Variants in SEC22C observed in about 807,000 individuals in gnomAD.
SEC22C encodes the protein vesicle-trafficking protein SEC22c.
In SEC22C, 29 loss-of-function variants were observed where a neutral mutation model predicts 34.7. That is an observed-to-expected ratio of 0.84 (90% CI 0.62 to 1.14). SEC22C has a LOEUF of 1.14. SEC22C is among the 50% of genes most tolerant of loss of function. The pLI is 0.00. For synonymous variants in SEC22C, 117 were observed against 132.8 expected, an observed-to-expected ratio of 0.88 and a Z score of 0.82; for missense variants, 337 against 369.0, an observed-to-expected ratio of 0.91 and a Z score of 0.71.
chr3:42,597,761 T>G (rs1461062808), intron 1 of SEC22C, among the ~76,000 whole-genome samples: 1 of 152,234 alleles, frequency 6.6e-6, no homozygotes, highest in Non-Finnish European at 1.5e-5. Context: ...GTGTATTTTA[T>G]GTATGGCTGA....
chr3:42,548,505 C>A lies in SEC22C; in HGVS notation c.*4743G>T. 2 of 1,292,488 alleles carry A rather than the reference C, an allele frequency of 1.5e-6. No homozygotes were observed. Among genetic ancestry groups the A allele is most frequent in the Admixed American group, 1.9e-5 (1 of 53,522 alleles). The allele number at this position is 1,292,488 out of a possible 1,614,324, so 80.1% of individuals were successfully genotyped here. A position where few individuals can be genotyped will look rare whatever the true frequency, so the allele number is the denominator to read the frequency against. On this transcript the variant is annotated 3_prime_UTR_variant, in exon 7 of 7. Transcript: ENST00000264454. ...CATTCCCAGATTTCACTGACATGCC[C>A]TTTTCCACAGGCTCCCTGCTGATGA...
At chr3:42,595,979 G>A (rs933287325) in intron 1 of SEC22C, among the ~76,000 whole-genome samples, 1 of 152,050 alleles carries the variant, frequency 6.6e-6, no homozygotes, top group Admixed American at 6.5e-5. Flanking sequence ...GAGGGCTCTG[G>A]CTCTTTCTTT....
chr3:42,578,198 T>G (rs937074325), intron 1 of SEC22C, among the ~76,000 whole-genome samples: 3 of 152,182 alleles, frequency 2.0e-5, no homozygotes, highest in African/African-American at 7.2e-5. Context: ...CAAACCGCAG[T>G]ATATTCATTC....
chr3:42,568,800 C>A, intron 2 of SEC22C, 65 bp downstream of exon 2: 1 of 1,341,038 alleles, frequency 7.5e-7, no homozygotes. Context: ...AAGATTATCA[C>A]TACATGTAGT....
chr3:42,598,699 A>C (rs1043799223), intron 1 of SEC22C, among the ~76,000 whole-genome samples: 10 of 151,970 alleles, frequency 6.6e-5, no homozygotes, highest in Admixed American at 5.9e-4. Context: ...AAATTTACAG[A>C]GAGAAAGTAG....
chr3:42,551,997 T>G lies in SEC22C; in HGVS notation c.*1251A>C. 1.0e-6 allele frequency: 1 copy of G among 985,308 alleles called. No individual in the cohort carries two copies. Among genetic ancestry groups the G allele is most frequent in the Non-Finnish European group, 1.2e-6 (1 of 829,898 alleles). 61.0% of individuals were successfully genotyped at this position (985,308 alleles called of 1,614,324 possible). Reference sequence around the variant, plus strand: ...GATTCCAGACTTCTACCAAGAACAATCCAAAGAGCAAACTCCCAAAATGAC... The same window carrying G: ...GATTCCAGACTTCTACCAAGAACAAGCCAAAGAGCAAACTCCCAAAATGAC... On this transcript the variant is annotated 3_prime_UTR_variant, in exon 7 of 7. Coordinates refer to ENST00000264454, the MANE Select transcript of SEC22C (RefSeq NM_032970.4).
chr3:42,581,045 C>A (rs182978221), intron 1 of SEC22C, among the ~76,000 whole-genome samples: 1 of 152,230 alleles, frequency 6.6e-6, no homozygotes, highest in Admixed American at 6.5e-5. Context: ...TAAATCAGAG[C>A]TATTAACATT....
chr3:42,594,050 T>G (rs1017753083), intron 1 of SEC22C, among the ~76,000 whole-genome samples: 2 of 145,968 alleles, frequency 1.4e-5, no homozygotes, highest in Middle Eastern at 3.4e-3. Flanking sequence ...CAGCTCACCT[T>G]TACCTGAATG....
Position 42,553,501 on chromosome 3 carries a change from T to C in SEC22C, c.712-53A>G, listed in dbSNP as rs555445394. 1.3e-5 allele frequency: 21 copies of C among 1,581,622 alleles called. No individual in the cohort carries two copies. In the African/African-American group the frequency reaches 2.4e-4, roughly 18 times the overall value. On this transcript the variant is annotated intron_variant, in intron 6 of 6. Transcript: ENST00000264454. ...AATCAGAGATAAAATGGCCACTAGA[T>C]CATATGCAAAATTCACCTCCCACAG...
Position 42,574,363 on chromosome 3 carries a change from CAA to C in SEC22C, c.-27-5292_-27-5291del, listed in dbSNP as rs202174342. Among the ~76,000 whole-genome samples the C allele has an allele frequency of 3.1e-3, 275 of 87,852 alleles. 1 individual carries two copies. Among genetic ancestry groups the C allele is most frequent in the Admixed American group, 8.0e-3 (57 of 7,112 alleles). The allele number at this position is 87,852 out of a possible 152,430, so 57.6% of individuals were successfully genotyped here. On this transcript the variant is annotated intron_variant, in intron 1 of 6. Transcript: ENST00000264454. ...TAGGCAACATAGCAAGACCCTGTCT[CAA>C]AAAAAAAAAAAAAAAAAGGAATAAA... is the stretch of plus-strand genomic sequence containing the variant.
At chr3:42,576,969 C>A (rs1428274326) in intron 1 of SEC22C, among the ~76,000 whole-genome samples, 1 of 152,060 alleles carries the variant, frequency 6.6e-6, no homozygotes, top group Non-Finnish European at 1.5e-5. Flanking sequence ...CAAAAATATA[C>A]TTACATAAGT....
In SEC22C at chr3:42,549,478, T is replaced by C. The variant is rs942346053; in HGVS notation, c.*3770A>G. On this transcript the variant is annotated 3_prime_UTR_variant, in exon 7 of 7. Coordinates refer to ENST00000264454, the MANE Select transcript of SEC22C (RefSeq NM_032970.4). ...AACCCCCAGCTCTGCTCCCTACCTA[T>C]GCCCTGCTTCCTGTGCCTCACACAG... 3 of 985,958 alleles carry C rather than the reference T, an allele frequency of 3.0e-6. No homozygotes were observed. In the Admixed American group the frequency reaches 1.8e-4, roughly 60 times the overall value. The allele number at this position is 985,958 out of a possible 1,614,324, so 61.1% of individuals were successfully genotyped here.
intron 1 of SEC22C, among the ~76,000 whole-genome samples, chr3:42,576,295 A>C (rs1403095475): frequency 6.6e-6 from 1 of 152,196 alleles, no homozygotes; most frequent in Non-Finnish European, 1.5e-5. Context: ...AAGTCAAGAA[A>C]TTAGAAGAAG....
intron 1 of SEC22C, chr3:42,600,896 G>A (rs1251485592): frequency 1.5e-5 from 12 of 781,652 alleles, no homozygotes; most frequent in Non-Finnish European, 2.0e-5. Context: ...GCACCGTGGC[G>A]CGGACTTCGT....
chr3:42,550,827 T>C lies in SEC22C; in HGVS notation c.*2421A>G, dbSNP rs342536. 0.36 allele frequency: 352,052 copies of C among 983,268 alleles called. 68,040 individuals are homozygous for C. Among genetic ancestry groups the C allele is most frequent in the African/African-American group, 0.73 (41,508 of 56,556 alleles). 60.9% of individuals were successfully genotyped at this position (983,268 alleles called of 1,614,324 possible). A position where few individuals can be genotyped will look rare whatever the true frequency, so the allele number is the denominator to read the frequency against. On this transcript the variant is annotated 3_prime_UTR_variant, in exon 7 of 7. Transcript: ENST00000264454. ...GTCTACATGGCAACCCAATGCCACA[T>C]AGGAAAAGAAAACAGTCCATTTTTA...
At chr3:42,598,373 G>C (rs1430424384) in intron 1 of SEC22C, among the ~76,000 whole-genome samples, 1 of 151,206 alleles carries the variant, frequency 6.6e-6, no homozygotes, top group East Asian at 1.9e-4. Context: ...TGTCACCCAG[G>C]CTGGAGTGCA....
Position 42,552,963 on chromosome 3 carries a change from T to A in SEC22C, c.*285A>T. On this transcript the variant is annotated 3_prime_UTR_variant, in exon 7 of 7. Coordinates refer to ENST00000264454, the MANE Select transcript of SEC22C (RefSeq NM_032970.4). The stretch of plus-strand genomic sequence containing the variant: ...AAAAGACCAAAATATTTCCTTTCTC[T>A]CTTCCAATAAAGCTCTTTCTGGATG... 8.3e-7 allele frequency: 1 copy of A among 1,198,584 alleles called. No homozygotes were observed. Among genetic ancestry groups the A allele is most frequent in the Non-Finnish European group, 1.0e-6 (1 of 962,920 alleles). 74.2% of individuals were successfully genotyped at this position (1,198,584 alleles called of 1,614,324 possible).
chr3:42,557,557 TAAA>T lies in SEC22C; in HGVS notation c.645+18_645+20del. On this transcript the variant is annotated intron_variant, in intron 5 of 6. Coordinates refer to ENST00000264454, the MANE Select transcript of SEC22C (RefSeq NM_032970.4). ...ATATGTCCTTCAATTTAAACTGTTTTAAAAAAAAAAAAAAGGTTACCTGTAAAG... is the reference window on the plus strand; with the variant it reads ...ATATGTCCTTCAATTTAAACTGTTTTAAAAAAAAAAAGGTTACCTGTAAAG... The T allele has an allele frequency of 1.0e-4, 103 of 1,004,268 alleles. No homozygotes were observed. The highest frequency in any genetic ancestry group is 4.8e-4 in the Middle Eastern group (2 of 4,144). 62.2% of individuals were successfully genotyped at this position (1,004,268 alleles called of 1,614,324 possible). A position where few individuals can be genotyped will look rare whatever the true frequency, so the allele number is the denominator to read the frequency against.
chr3:42,567,831 G>A (rs1703348150), intron 2 of SEC22C, among the ~76,000 whole-genome samples: 2 of 152,152 alleles, frequency 1.3e-5, no homozygotes, highest in Non-Finnish European at 2.9e-5. Context: ...AGCACTTTGG[G>A]AGGCCAAGGT....
Sources: allele counts gnomAD v4.1 joint callset (sites outside exome capture counted in the v4.1 genomes callset), GRCh38; gene constraint gnomAD v4.1.1; transcripts MANE v1.5; gene names NCBI Gene and HGNC (gene_info 2026-07-23, HGNC 2026-07-21).